The following SLC24A3 variants were observed in gnomAD, a reference collection of about 807,000 sequenced individuals.
SLC24A3 encodes the protein sodium/potassium/calcium exchanger 3.
A neutral mutation model predicts 75.8 loss-of-function variants in SLC24A3; 28 were observed. That is an observed-to-expected ratio of 0.37 (90% confidence interval 0.27 to 0.51). The LOEUF (loss-of-function observed/expected upper bound fraction) is 0.51. Ranked by LOEUF, SLC24A3 falls within the 20% of genes least tolerant of loss-of-function variation. SLC24A3 has a pLI of 0.94. For missense variants in SLC24A3, 663 were observed against 847.8 expected (o/e 0.78, Z 2.71); for synonymous variants, 372 against 334.1 (o/e 1.11, Z -1.24).
chr20:19,373,061 AT>A (rs11415733), intron 2 of SLC24A3, among the ~76,000 whole-genome samples: 33,340 of 149,994 alleles, frequency 0.22, 8,570 homozygotes, highest in African/African-American at 0.61. Context: ...TAGTTTTGCG[AT>A]TTTTTTTTTT....
intron 2 of SLC24A3, among the ~76,000 whole-genome samples, chr20:19,415,349 G>T (rs2122426884): frequency 6.6e-6 from 1 of 152,300 alleles, no homozygotes. Flanking sequence ...TGCCTTGATT[G>T]TGCAGTGCAC....
chr20:19,683,651 C>T (rs1600338753), intron 10 of SLC24A3, among the ~76,000 whole-genome samples: 1 of 152,290 alleles, frequency 6.6e-6, no homozygotes, highest in East Asian at 1.9e-4. Flanking sequence ...ATATTGCTGA[C>T]ATTTGAAGGG....
In SLC24A3 at chr20:19,258,542, A is replaced by G. The variant is rs561108751; in HGVS notation, c.143-22417A>G. Among the ~76,000 whole-genome samples, 5 of 152,286 alleles carry G rather than the reference A, an allele frequency of 3.3e-5. No homozygotes were observed. The South Asian group carries it at 8.3e-4, about 25-fold the overall frequency. On this transcript the variant is annotated intron_variant, in intron 1 of 16. Transcript: ENST00000328041. ...AATATGGTGAAACCCTGTCTCTAATAAAAATACAAAATTAGCTGGTTGTGG... is the reference window on the plus strand; with the variant it reads ...AATATGGTGAAACCCTGTCTCTAATGAAAATACAAAATTAGCTGGTTGTGG...
chr20:19,253,994 T>C (rs935590523), intron 1 of SLC24A3, among the ~76,000 whole-genome samples: 2 of 151,902 alleles, frequency 1.3e-5, no homozygotes, highest in African/African-American at 4.8e-5. Flanking sequence ...CAACATGAGG[T>C]AGACGTTCCC....
intron 6 of SLC24A3, among the ~76,000 whole-genome samples, chr20:19,632,702 G>A (rs2031949447): frequency 6.6e-6 from 1 of 152,138 alleles, no homozygotes; most frequent in Non-Finnish European, 1.5e-5. Flanking sequence ...CAAACAGATT[G>A]TATACACCAC....
chr20:19,362,578 C>T (rs1985808849), intron 2 of SLC24A3, among the ~76,000 whole-genome samples: 1 of 152,208 alleles, frequency 6.6e-6, no homozygotes, highest in African/African-American at 2.4e-5. Context: ...CATGACGTTT[C>T]TGTGAAGGAG....
At chr20:19,326,995 T>C (rs1356257198) in intron 2 of SLC24A3, among the ~76,000 whole-genome samples, 1 of 152,162 alleles carries the variant, frequency 6.6e-6, no homozygotes, top group East Asian at 1.9e-4. Context: ...TGGGAAAGAG[T>C]TGCGGCCTTC....
At chr20:19,456,628 AC>A (rs1249265918) in intron 2 of SLC24A3, among the ~76,000 whole-genome samples, 1 of 152,190 alleles carries the variant, frequency 6.6e-6, no homozygotes, top group Non-Finnish European at 1.5e-5. Flanking sequence ...AAATCTTTCC[AC>A]ATTGCTGTGA....
At chr20:19,480,687 G>A (rs937616781) in intron 2 of SLC24A3, among the ~76,000 whole-genome samples, 6 of 152,164 alleles carry the variant, frequency 3.9e-5, no homozygotes, top group South Asian at 4.2e-4. Flanking sequence ...CTCATGGTTG[G>A]GAGGGCAACT....
chr20:19,402,233 T>C (rs944335090), intron 2 of SLC24A3, among the ~76,000 whole-genome samples: 1 of 152,226 alleles, frequency 6.6e-6, no homozygotes, highest in Non-Finnish European at 1.5e-5. Context: ...AAATCCTTGA[T>C]GATCTCAATA....
rs547645525 is a variant in SLC24A3 at position 19,626,474 on chromosome 20, T to G, written c.613-27588T>G. Among the ~76,000 whole-genome samples the G allele has an allele frequency of 3.3e-5, 5 of 152,332 alleles. No individual in the cohort carries two copies. The South Asian group carries it at 1.0e-3, about 32-fold the overall frequency. ...GAAGGTGACAGAAAAGGGTGTTGAG[T>G]TGAACAGAATAAAATCCACCTTTAG... On this transcript the variant is annotated intron_variant, in intron 6 of 16. Coordinates refer to ENST00000328041, the MANE Select transcript of SLC24A3 (RefSeq NM_020689.4).
intron 2 of SLC24A3, among the ~76,000 whole-genome samples, chr20:19,438,616 T>TC (rs1987247584): frequency 6.6e-6 from 1 of 151,792 alleles, no homozygotes; most frequent in South Asian, 2.1e-4. Context: ...CTCATTGGCC[T>TC]CCCCACCTGG....
rs561158113 is a variant in SLC24A3 at position 19,399,201 on chromosome 20, G to T, written c.272-116287G>T. ...TGACCATCTCAAGAATCAGCTTTTG[G>T]TTTCATTGATTTTCTTAATTGTTTT... On this transcript the variant is annotated intron_variant, in intron 2 of 16. Transcript: ENST00000328041. Among the ~76,000 whole-genome samples the T allele has an allele frequency of 2.0e-5, 3 of 151,966 alleles. No individual in the cohort carries two copies. In the East Asian group the frequency reaches 5.8e-4, roughly 29 times the overall value.
chr20:19,712,096 T>TC (rs1023532213), intron 15 of SLC24A3, among the ~76,000 whole-genome samples: 2 of 152,126 alleles, frequency 1.3e-5, no homozygotes, highest in African/African-American at 4.8e-5. Flanking sequence ...ATAGAGACAC[T>TC]CCAACAGAAC....
chr20:19,717,229 G>C (rs916876162), intron 15 of SLC24A3, among the ~76,000 whole-genome samples: 2 of 152,242 alleles, frequency 1.3e-5, no homozygotes, highest in African/African-American at 4.8e-5. Flanking sequence ...GAATCTCACA[G>C]TCCCAGATAG....
chr20:19,704,205 A>ATG (rs2032903438), intron 15 of SLC24A3, among the ~76,000 whole-genome samples: 2 of 95,346 alleles, frequency 2.1e-5, no homozygotes, highest in South Asian at 3.7e-4. Context: ...ATGGATGGAT[A>ATG]GATGGATGGA....
At position 19,319,698 on chromosome 20, in the gene SLC24A3, G is replaced by T. The variant is rs149171831; in HGVS notation, c.271+38611G>T. On this transcript the variant is annotated intron_variant, in intron 2 of 16. Coordinates refer to ENST00000328041, the MANE Select transcript of SLC24A3 (RefSeq NM_020689.4). ...AGCTCTTGGAGTTAATGGGCCATGG[G>T]GGAGGCGGTGTTGAGGGGTCCTGGT... Among the ~76,000 whole-genome samples, 379 of 152,324 alleles carry T rather than the reference G, an allele frequency of 2.5e-3. 4 individuals carry two copies. The highest frequency in any genetic ancestry group is 8.8e-3 in the African/African-American group (365 of 41,566).
At chr20:19,376,081 G>C (rs886814109) in intron 2 of SLC24A3, among the ~76,000 whole-genome samples, 1 of 152,140 alleles carries the variant, frequency 6.6e-6, no homozygotes, top group South Asian at 2.1e-4. Flanking sequence ...AGAAGTATAT[G>C]TGCAACTGTG....
At chr20:19,472,575 T>C (rs1987893610) in intron 2 of SLC24A3, among the ~76,000 whole-genome samples, 1 of 152,216 alleles carries the variant, frequency 6.6e-6, no homozygotes, top group African/African-American at 2.4e-5. Flanking sequence ...TCTACCTCAT[T>C]TTCATCTGTG....
Sources: allele counts gnomAD v4.1 joint callset (sites outside exome capture counted in the v4.1 genomes callset), GRCh38; gene constraint gnomAD v4.1.1; transcripts MANE v1.5; gene names NCBI Gene and HGNC (gene_info 2026-07-23, HGNC 2026-07-21).